The following HCN1 variants were observed in gnomAD, a reference collection of about 807,000 sequenced individuals.
HCN1 encodes the protein hyperpolarization activated cyclic nucleotide gated potassium channel 1.
Under a neutral mutation model 78.9 loss-of-function variants are expected in HCN1, and 13 were observed. That is an observed-to-expected ratio of 0.16 (90% CI 0.11 to 0.26). HCN1 has a LOEUF of 0.26. HCN1 is among the 10% of genes least tolerant of loss of function. The pLI, the probability that HCN1 is intolerant of heterozygous loss-of-function variation, is 1.00. For missense variants in HCN1, 810 were observed against 1,154.3 expected, an observed-to-expected ratio of 0.70 and a Z score of 4.32; for synonymous variants, 552 against 455.5, an observed-to-expected ratio of 1.21 and a Z score of -2.70.
intron 2 of HCN1, among the ~76,000 whole-genome samples, chr5:45,475,010 T>A (rs1029239604): frequency 1.1e-4 from 16 of 152,000 alleles, no homozygotes; most frequent in Admixed American, 6.6e-5. Flanking sequence ...AACCTGTATA[T>A]CTTTTGAAAA....
At chr5:45,374,104 T>TTATATACATATTATATATAATATAC (rs1561130198) in intron 4 of HCN1, among the ~76,000 whole-genome samples, 7 of 103,368 alleles carry the variant, frequency 6.8e-5, no homozygotes, top group East Asian at 2.6e-4. Flanking sequence ...ATATAATATA[T>TTATATACATATTATATATAATATAC]ATTATATACA....
chr5:45,318,088 T>C (rs1268354072), intron 5 of HCN1, among the ~76,000 whole-genome samples: 3 of 152,132 alleles, frequency 2.0e-5, no homozygotes, highest in Non-Finnish European at 4.4e-5. Context: ...GGATTATAAA[T>C]CATGCAGCTA....
At chr5:45,414,108 C>T (rs543100671) in intron 3 of HCN1, among the ~76,000 whole-genome samples, 30 of 152,048 alleles carry the variant, frequency 2.0e-4, no homozygotes, top group East Asian at 1.5e-3. Context: ...GCCAATTCGC[C>T]AATATTAGCC....
intron 2 of HCN1, among the ~76,000 whole-genome samples, chr5:45,474,859 A>G (rs1741480197): frequency 6.6e-6 from 1 of 151,976 alleles, no homozygotes; most frequent in African/African-American, 2.4e-5. Flanking sequence ...ATTTAGAACG[A>G]GAATAAAAGG....
At chr5:45,356,038 T>C (rs1334411617) in intron 4 of HCN1, among the ~76,000 whole-genome samples, 1 of 151,982 alleles carries the variant, frequency 6.6e-6, no homozygotes, top group Non-Finnish European at 1.5e-5. Flanking sequence ...CCATGTGATG[T>C]GAATAAAAAT....
At position 45,371,626 on chromosome 5, in the gene HCN1, G is replaced by A. The variant is rs187739331; in HGVS notation, c.1231-18380C>T. On this transcript the variant is annotated intron_variant, in intron 4 of 7. Coordinates refer to ENST00000303230, the MANE Select transcript of HCN1 (RefSeq NM_021072.4). ...ATAAAAATTGGCTGGGCTTGGGGGC[G>A]GTCGCCTGTAATCCCAGCTACTCGT... Among the ~76,000 whole-genome samples the A allele has an allele frequency of 7.0e-4, 105 of 150,432 alleles. 1 individual carries two copies. In the East Asian group the frequency reaches 0.011, roughly 16 times the overall value.
chr5:45,449,424 CTCA>C (rs1489756529), intron 3 of HCN1, among the ~76,000 whole-genome samples: 26 of 152,208 alleles, frequency 1.7e-4, no homozygotes, highest in Admixed American at 3.3e-4. Context: ...GAAGTAGATT[CTCA>C]TCATTTCTTC....
At chr5:45,364,925 A>G (rs990041954) in intron 4 of HCN1, among the ~76,000 whole-genome samples, 16 of 152,166 alleles carry the variant, frequency 1.1e-4, no homozygotes, top group Admixed American at 5.3e-4. Flanking sequence ...TTATTCTCCT[A>G]TAACATCAAG....
chr5:45,389,953 T>C (rs1748005157), intron 4 of HCN1, among the ~76,000 whole-genome samples: 1 of 152,134 alleles, frequency 6.6e-6, no homozygotes. Context: ...ATTCCAGAAT[T>C]CAAAACTATT....
chr5:45,503,603 T>G (rs2111738766), intron 2 of HCN1, among the ~76,000 whole-genome samples: 1 of 152,342 alleles, frequency 6.6e-6, no homozygotes, highest in South Asian at 2.1e-4. Flanking sequence ...TATTTTTATA[T>G]GTTTTAAATC....
intron 5 of HCN1, among the ~76,000 whole-genome samples, chr5:45,349,297 C>A (rs1298124266): frequency 2.6e-5 from 4 of 152,100 alleles, no homozygotes; most frequent in Non-Finnish European, 5.9e-5. Context: ...GAAATGAAGG[C>A]AGAAATAAAG....
intron 3 of HCN1, among the ~76,000 whole-genome samples, chr5:45,416,790 G>A (rs1008589827): frequency 6.6e-6 from 1 of 151,868 alleles, no homozygotes; most frequent in Non-Finnish European, 1.5e-5. Context: ...AATAAAAGTG[G>A]CAAAAGTTTT....
intron 2 of HCN1, among the ~76,000 whole-genome samples, chr5:45,612,067 C>T (rs1744850056): frequency 6.6e-6 from 1 of 152,146 alleles, no homozygotes; most frequent in Non-Finnish European, 1.5e-5. Context: ...GTAACAAACC[C>T]ATCACACTCA....
intron 5 of HCN1, among the ~76,000 whole-genome samples, chr5:45,348,353 G>T (rs1479640242): frequency 1.3e-5 from 2 of 152,104 alleles, no homozygotes; most frequent in Non-Finnish European, 1.5e-5. Context: ...CCCTAAAAGA[G>T]CTCCTGAAGG....
At chr5:45,545,545 T>C (rs1743198524) in intron 2 of HCN1, among the ~76,000 whole-genome samples, 1 of 152,154 alleles carries the variant, frequency 6.6e-6, no homozygotes, top group Admixed American at 6.6e-5. Context: ...TGAATGGTAT[T>C]GCCTAGGTTT....
intron 6 of HCN1, among the ~76,000 whole-genome samples, chr5:45,273,487 C>G (rs190995513): frequency 1.3e-5 from 2 of 152,212 alleles, no homozygotes; most frequent in Admixed American, 1.3e-4. Flanking sequence ...TGGCTTCAAA[C>G]GTTTTGCAAC....
intron 2 of HCN1, among the ~76,000 whole-genome samples, chr5:45,513,307 A>T (rs1419915304): frequency 1.3e-5 from 2 of 152,166 alleles, no homozygotes; most frequent in Admixed American, 1.3e-4. Flanking sequence ...AGAAGCCTAG[A>T]ATGAGAGCTC....
intron 2 of HCN1, among the ~76,000 whole-genome samples, chr5:45,483,297 C>A (rs772833491): frequency 3.3e-5 from 5 of 152,096 alleles, no homozygotes; most frequent in Admixed American, 6.6e-5. Flanking sequence ...CTAATAATAG[C>A]CATTCTGACT....
intron 2 of HCN1, among the ~76,000 whole-genome samples, chr5:45,548,240 AC>A (rs1743272321): frequency 6.6e-6 from 1 of 152,084 alleles, no homozygotes; most frequent in Admixed American, 6.6e-5. Flanking sequence ...TTTCTGTATT[AC>A]TTTACTTTTT....
Sources: gnomAD v4.1 joint callset for allele counts (sites outside exome capture counted in the v4.1 genomes callset) on GRCh38, gnomAD v4.1.1 for gene constraint, MANE v1.5 for transcripts, NCBI Gene and HGNC (gene_info 2026-07-23, HGNC 2026-07-21) for gene names.